The following PTPRD variants were observed in gnomAD, a reference collection of about 807,000 sequenced individuals.
PTPRD encodes receptor-type tyrosine-protein phosphatase delta.
In PTPRD, 34 loss-of-function variants were observed where a neutral mutation model predicts 214.5. The ratio of observed to expected loss-of-function variants is 0.16; its 90% CI spans 0.12 to 0.21. The LOEUF is 0.21. PTPRD is among the 10% of genes least tolerant of loss of function. The pLI is 1.00. For missense variants in PTPRD, 2,545 were observed against 2,398.7 expected, an observed-to-expected ratio of 1.06 and a Z score of -1.27; for synonymous variants, 1,128 against 845.7, an observed-to-expected ratio of 1.33 and a Z score of -5.79.
At chr9:9,009,881 C>T (rs1024581919) in intron 11 of PTPRD, among the ~76,000 whole-genome samples, 16 of 151,808 alleles carry the variant, frequency 1.1e-4, no homozygotes, top group African/African-American at 3.9e-4. Context: ...TTTCACTAGC[C>T]TGCTTTCAAG....
intron 3 of PTPRD, among the ~76,000 whole-genome samples, chr9:10,259,191 T>A (rs1595557373): frequency 6.6e-6 from 1 of 151,294 alleles, no homozygotes; most frequent in Non-Finnish European, 1.5e-5. Flanking sequence ...CCCGGCTAAT[T>A]TTTTTTGTAT....
intron 4 of PTPRD, among the ~76,000 whole-genome samples, chr9:9,961,263 G>A (rs2094345651): frequency 6.6e-6 from 1 of 152,002 alleles, no homozygotes; most frequent in South Asian, 2.1e-4. Context: ...ATCAAAACCT[G>A]GAATTGGAAT....
chr9:9,034,405 T>C lies in PTPRD; in HGVS notation c.-142-15670A>G, dbSNP rs538325704. 1.3e-4 allele frequency among the ~76,000 whole-genome samples: 20 copies of C among 152,300 alleles called. 2 individuals are homozygous for C. In the South Asian group the frequency reaches 4.1e-3, roughly 32 times the overall value. ...TATTTAAATTGTGAGTCTGAGGTTT[T>C]CAATGCCTAACCTGGGTTTAAAATA... On this transcript the variant is annotated intron_variant, in intron 10 of 45. Coordinates refer to ENST00000381196, the MANE Select transcript of PTPRD (RefSeq NM_002839.4).
Position 8,507,307 on chromosome 9 carries a change from T to G in PTPRD, c.1671A>C (p.Gly557=). ...YELVYKDGEH[G]EEQRITIEPG... ...AGAAGCACTATAGTCTTACCTCCTC[T>G]CCATGCTCCCCATCTTTGTAGACCA... Residue 557 remains glycine (G), a synonymous_variant, in exon 22 of 46, where the codon GGA becomes GGC. Coordinates refer to ENST00000381196, the MANE Select transcript of PTPRD (RefSeq NM_002839.4). 6.2e-7 allele frequency: 1 copy of G among 1,613,828 alleles called. No individual in the cohort carries two copies. Among genetic ancestry groups the G allele is most frequent in the Non-Finnish European group, 8.5e-7 (1 of 1,179,750 alleles).
chr9:9,282,419 T>G (rs370566840), intron 9 of PTPRD, among the ~76,000 whole-genome samples: 1 of 151,386 alleles, frequency 6.6e-6, no homozygotes, highest in African/African-American at 2.4e-5. Context: ...AGCAGATGAC[T>G]GAAATGAAAT....
intron 9 of PTPRD, among the ~76,000 whole-genome samples, chr9:9,190,410 T>G (rs1673178257): frequency 6.6e-6 from 1 of 151,910 alleles, no homozygotes; most frequent in South Asian, 2.1e-4. Context: ...ATCCAGTGGG[T>G]TTATCAGGGG....
intron 14 of PTPRD, among the ~76,000 whole-genome samples, chr9:8,544,364 G>C (rs920841496): frequency 8.9e-4 from 135 of 151,172 alleles, no homozygotes; most frequent in African/African-American, 2.9e-3. Context: ...TTACAGGCAT[G>C]AGCCAACGCA....
chr9:8,373,908 AT>A (rs879336361), intron 39 of PTPRD, among the ~76,000 whole-genome samples: 1,952 of 92,010 alleles, frequency 0.021, 22 homozygotes, highest in Middle Eastern at 0.068. Context: ...CTATCTATCT[AT>A]CTATCTACCT....
chr9:8,486,557 G>C (rs1157155574), intron 27 of PTPRD: 3 of 693,262 alleles, frequency 4.3e-6, no homozygotes, highest in Non-Finnish European at 7.9e-6. Flanking sequence ...ACTAGAATTT[G>C]ATAATGGACA....
At chr9:9,066,920 A>G (rs1400925803) in intron 10 of PTPRD, among the ~76,000 whole-genome samples, 1 of 152,204 alleles carries the variant, frequency 6.6e-6, no homozygotes, top group East Asian at 1.9e-4. Flanking sequence ...GTTTTAATTC[A>G]TCAAAAGGAT....
At chr9:9,070,157 A>C (rs2099741679) in intron 10 of PTPRD, among the ~76,000 whole-genome samples, 1 of 152,166 alleles carries the variant, frequency 6.6e-6, no homozygotes, top group Non-Finnish European at 1.5e-5. Flanking sequence ...ATATTGACTT[A>C]AATTAGCTAG....
chr9:9,712,198 A>C (rs938989677), intron 7 of PTPRD, among the ~76,000 whole-genome samples: 1 of 152,162 alleles, frequency 6.6e-6, no homozygotes, highest in African/African-American at 2.4e-5. Flanking sequence ...GATTTACTTT[A>C]TCAATGAACA....
intron 2 of PTPRD, among the ~76,000 whole-genome samples, chr9:10,577,312 C>A (rs540531836): frequency 6.6e-6 from 1 of 152,274 alleles, no homozygotes; most frequent in Admixed American, 6.5e-5. Context: ...TAATTACCAA[C>A]TAATTATGAT....
intron 11 of PTPRD, among the ~76,000 whole-genome samples, chr9:8,812,526 T>C (rs1020903000): frequency 3.0e-4 from 45 of 152,198 alleles, no homozygotes; most frequent in African/African-American, 1.0e-3. Flanking sequence ...ATTTAATATA[T>C]TCTGAAAGTA....
intron 3 of PTPRD, among the ~76,000 whole-genome samples, chr9:10,111,603 A>T (rs957903776): frequency 6.6e-6 from 1 of 151,744 alleles, no homozygotes; most frequent in Non-Finnish European, 1.5e-5. Context: ...CACTTCAGTG[A>T]CTCCTCTAAG....
At chr9:8,981,106 T>A (rs1589255426) in intron 11 of PTPRD, among the ~76,000 whole-genome samples, 1 of 152,172 alleles carries the variant, frequency 6.6e-6, no homozygotes, top group South Asian at 2.1e-4. Flanking sequence ...AAAAGCTCAG[T>A]GCTTTCAGGA....
At chr9:9,823,887 A>G (rs987699989) in intron 5 of PTPRD, among the ~76,000 whole-genome samples, 1 of 152,074 alleles carries the variant, frequency 6.6e-6, no homozygotes, top group African/African-American at 2.4e-5. Context: ...CCCAACACAA[A>G]GAAACAATAA....
intron 2 of PTPRD, among the ~76,000 whole-genome samples, chr9:10,533,072 C>A (rs939826867): frequency 3.3e-5 from 5 of 151,958 alleles, no homozygotes; most frequent in African/African-American, 4.8e-5. Context: ...GGATTAGCTA[C>A]GGGGTTATTA....
chr9:9,315,243 T>G (rs1280699134), intron 9 of PTPRD, among the ~76,000 whole-genome samples: 1 of 151,946 alleles, frequency 6.6e-6, no homozygotes, highest in Non-Finnish European at 1.5e-5. Flanking sequence ...TTTATATCCT[T>G]ATCTGAAGTA....
Sources: gnomAD v4.1 joint callset for allele counts (sites outside exome capture counted in the v4.1 genomes callset) on GRCh38, gnomAD v4.1.1 for gene constraint, MANE v1.5 for transcripts, NCBI Gene and HGNC (gene_info 2026-07-23, HGNC 2026-07-21) for gene names.